EDIL3: variants seen among roughly 807,000 people sequenced by gnomAD.
The protein encoded by EDIL3 is EGF like and discoidin domains 3, also known as EGF-like repeat and discoidin I-like domain-containing protein 3.
EDIL3 carries 37 observed loss-of-function variants against 67.4 expected under a neutral mutation model. The ratio of observed to expected loss-of-function variants is 0.55; its 90% CI spans 0.42 to 0.72. The LOEUF is 0.72. EDIL3 is among the 30% of genes least tolerant of loss of function. EDIL3 has a pLI of 0.00. For missense variants in EDIL3, 527 were observed against 586.3 expected, an observed-to-expected ratio of 0.90 and a Z score of 1.04; for synonymous variants, 195 against 196.3, an observed-to-expected ratio of 0.99 and a Z score of 0.05.
At chr5:84,261,839 T>A (rs1413443633) in intron 1 of EDIL3, among the ~76,000 whole-genome samples, 1 of 152,184 alleles carries the variant, frequency 6.6e-6, no homozygotes, top group African/African-American at 2.4e-5. Flanking sequence ...TTAGATGTTA[T>A]CCAGTGGTTT....
chr5:84,043,676 G>A (rs759050227), intron 9 of EDIL3, among the ~76,000 whole-genome samples: 2 of 152,076 alleles, frequency 1.3e-5, no homozygotes, highest in African/African-American at 2.4e-5. Flanking sequence ...TGTAATGTCA[G>A]CAAATTGTAT....
At chr5:84,230,762 G>GGTGTGTGTGTGTGTGT (rs1183189172) in intron 2 of EDIL3, among the ~76,000 whole-genome samples, 1 of 32,798 alleles carries the variant, frequency 3.0e-5, no homozygotes, top group Non-Finnish European at 6.7e-5. Flanking sequence ...CCCACTACGT[G>GGTGTGTGTGTGTGTGT]ATGTGTGTGT....
At chr5:84,134,093 A>G (rs1229591784) in intron 5 of EDIL3, among the ~76,000 whole-genome samples, 1 of 152,150 alleles carries the variant, frequency 6.6e-6, no homozygotes, top group Non-Finnish European at 1.5e-5. Flanking sequence ...GCAACAGGTC[A>G]TAATAGAGTT....
chr5:84,296,364 T>C (rs1025783543), intron 1 of EDIL3, among the ~76,000 whole-genome samples: 1 of 152,200 alleles, frequency 6.6e-6, no homozygotes, highest in African/African-American at 2.4e-5. Context: ...AGTTATATTC[T>C]AGAATAAATC....
chr5:84,302,336 G>T (rs771248633), intron 1 of EDIL3, among the ~76,000 whole-genome samples: 2 of 151,678 alleles, frequency 1.3e-5, no homozygotes, highest in Non-Finnish European at 2.9e-5. Context: ...TCACTCTGTC[G>T]CCCAGGCTAG....
rs1745068924 is a variant in EDIL3 at position 83,987,089 on chromosome 5, A to G, written c.1138-23729T>C. On this transcript the variant is annotated intron_variant, in intron 9 of 10. Transcript: ENST00000296591. ...TGTACTCCACTTGAGCAAATCCTTT[A>G]ACCTCTCTGGACTTTAGGTTCTCTG... Among the ~76,000 whole-genome samples the G allele has an allele frequency of 2.0e-5, 3 of 152,172 alleles. No individual in the cohort carries two copies. The South Asian group carries it at 6.2e-4, about 31-fold the overall frequency.
intron 9 of EDIL3, among the ~76,000 whole-genome samples, chr5:84,001,307 A>G (rs1745326862): frequency 6.6e-6 from 1 of 152,028 alleles, no homozygotes; most frequent in South Asian, 2.1e-4. Flanking sequence ...CCTTGGACTC[A>G]CAAAACGCTG....
intron 1 of EDIL3, among the ~76,000 whole-genome samples, chr5:84,335,001 C>G (rs1415107848): frequency 6.6e-6 from 1 of 151,930 alleles, no homozygotes; most frequent in Non-Finnish European, 1.5e-5. Flanking sequence ...TCCCATTTTC[C>G]TTATAATTCC....
intron 9 of EDIL3, among the ~76,000 whole-genome samples, chr5:84,037,988 GTTTTTT>G (rs67762520): frequency 5.0e-5 from 5 of 99,692 alleles, no homozygotes; most frequent in African/African-American, 1.8e-4. Context: ...TTTCTTTCTT[GTTTTTT>G]TTTTTTTTTT....
intron 6 of EDIL3, among the ~76,000 whole-genome samples, chr5:84,081,449 G>C (rs1157081108): frequency 6.6e-6 from 1 of 152,170 alleles, no homozygotes; most frequent in Non-Finnish European, 1.5e-5. Flanking sequence ...CAGCACATGA[G>C]TAGAAATGCT....
chr5:84,009,380 A>T (rs1022620510), intron 9 of EDIL3, among the ~76,000 whole-genome samples: 2 of 152,154 alleles, frequency 1.3e-5, no homozygotes, highest in Non-Finnish European at 2.9e-5. Flanking sequence ...ATCTCCTGAC[A>T]TTCTTTCCAA....
chr5:84,360,838 A>G (rs560519471), intron 1 of EDIL3, among the ~76,000 whole-genome samples: 3 of 152,310 alleles, frequency 2.0e-5, no homozygotes, highest in South Asian at 2.1e-4. Flanking sequence ...AAACAGAAAG[A>G]ATGCAAATAT....
At position 84,200,816 on chromosome 5, in the gene EDIL3, G is replaced by A. The variant is rs557486679; in HGVS notation, c.227-20295C>T. ...TTCTTTGGAACGCATTGGCATAATG[G>A]GAAAGAAACGGAAAGAAATGTCTTT... On this transcript the variant is annotated intron_variant, in intron 3 of 10. Transcript: ENST00000296591. Among the ~76,000 whole-genome samples, 33 of 152,026 alleles carry A rather than the reference G, an allele frequency of 2.2e-4. No individual in the cohort carries two copies. The South Asian group carries it at 3.7e-3, about 17-fold the overall frequency.
At chr5:83,970,451 T>C (rs1367815141) in intron 9 of EDIL3, among the ~76,000 whole-genome samples, 9 of 148,708 alleles carry the variant, frequency 6.1e-5, no homozygotes, top group Non-Finnish European at 1.2e-4. Context: ...TCAATTTTAC[T>C]ATACTCAAAT....
chr5:83,966,270 G>C (rs549817147), intron 9 of EDIL3, among the ~76,000 whole-genome samples: 41 of 152,204 alleles, frequency 2.7e-4, no homozygotes, highest in African/African-American at 9.4e-4. Flanking sequence ...TTCATGTCTG[G>C]ATCTGCCTTA....
chr5:84,230,534 A>G (rs994850737), intron 2 of EDIL3, among the ~76,000 whole-genome samples: 11 of 151,678 alleles, frequency 7.3e-5, no homozygotes, highest in African/African-American at 2.7e-4. Context: ...CAGCCTCCTG[A>G]GTAGCTGGGA....
chr5:84,049,582 G>A (rs958705590), intron 9 of EDIL3, among the ~76,000 whole-genome samples: 13 of 152,164 alleles, frequency 8.5e-5, no homozygotes, highest in African/African-American at 2.9e-4. Flanking sequence ...CTAACCATGA[G>A]TTAGGAATGT....
At chr5:84,191,635 A>G (rs347377) in intron 3 of EDIL3, among the ~76,000 whole-genome samples, 2 of 151,828 alleles carry the variant, frequency 1.3e-5, no homozygotes, top group Non-Finnish European at 2.9e-5. Flanking sequence ...TGTCAAACAG[A>G]ACATAATGAC....
intron 1 of EDIL3, among the ~76,000 whole-genome samples, chr5:84,330,214 G>A (rs943719135): frequency 1.3e-5 from 2 of 152,130 alleles, no homozygotes; most frequent in Non-Finnish European, 2.9e-5. Context: ...CCTGAGGTAA[G>A]TGGTTGCTTT....
Sources: gnomAD v4.1 joint callset for allele counts (sites outside exome capture counted in the v4.1 genomes callset) on GRCh38, gnomAD v4.1.1 for gene constraint, MANE v1.5 for transcripts, NCBI Gene and HGNC (gene_info 2026-07-23, HGNC 2026-07-21) for gene names.